XKR9: variants seen among roughly 807,000 people sequenced by gnomAD.
XKR9 encodes XK-related protein 9.
Under a neutral mutation model 32.0 loss-of-function variants are expected in XKR9, and 32 were observed. The observed-to-expected ratio is 1.00, with a 90% CI of 0.76 to 1.34. XKR9 has a LOEUF of 1.34. Among genes scored for constraint, XKR9 ranks in the 40% most tolerant of loss-of-function variants. XKR9 has a pLI of 0.00. For missense variants in XKR9, 546 were observed against 429.7 expected, an observed-to-expected ratio of 1.27 and a Z score of -2.39; for synonymous variants, 168 against 143.4, an observed-to-expected ratio of 1.17 and a Z score of -1.22.
the XKR9 span, among the ~76,000 whole-genome samples, chr8:70,842,547 T>TACACACACACAC: frequency 0.016 from 2,332 of 149,108 alleles, 29 homozygotes; most frequent in Middle Eastern, 0.021. Context: ...CATCATTATT[T>TACACACACACAC]ACACACACAC....
the XKR9 span, among the ~76,000 whole-genome samples, chr8:71,014,461 T>C: frequency 6.6e-6 from 1 of 152,120 alleles, no homozygotes; most frequent in African/African-American, 2.4e-5. Flanking sequence ...CAGGAATTCC[T>C]TGGCTGCATG....
the XKR9 span, among the ~76,000 whole-genome samples, chr8:70,924,034 A>G: frequency 2.4e-4 from 37 of 152,196 alleles, no homozygotes; most frequent in Non-Finnish European, 4.7e-4. Flanking sequence ...CCTTATTTAC[A>G]GCATCTGCTA....
the XKR9 span, among the ~76,000 whole-genome samples, chr8:70,869,058 G>A: frequency 6.6e-6 from 1 of 152,126 alleles, no homozygotes; most frequent in Admixed American, 6.5e-5. Context: ...GACCACCTCA[G>A]CACTGGACTT....
At chr8:70,879,865 G>GA in the XKR9 span, among the ~76,000 whole-genome samples, 1 of 152,044 alleles carries the variant, frequency 6.6e-6, no homozygotes, top group African/African-American at 2.4e-5. Context: ...ACGTTGATGC[G>GA]AAAATCCTCA....
chr8:70,776,947 C>CTCTCTCTA lies in XKR9; in HGVS notation n.353-12391_353-12390insCTCTCTAT. Among the ~76,000 whole-genome samples, 8 of 54,206 alleles carry CTCTCTCTA rather than the reference C, an allele frequency of 1.5e-4. No homozygotes were observed. In the East Asian group the frequency reaches 1.6e-3, roughly 11 times the overall value. 35.6% of individuals were successfully genotyped at this position (54,206 alleles called of 152,430 possible). A position where few individuals can be genotyped will look rare whatever the true frequency, so the allele number is the denominator to read the frequency against. ...TTTCTCTCTCTCTCTCTCTCTCTCT[C>CTCTCTCTA]TATATATATATATATATGTATGTAT... On this transcript the variant is annotated intron_variant and non_coding_transcript_variant, in intron 2 of 3. Coordinates refer to the XKR9 transcript ENST00000520273.
chr8:71,009,107 C>T, the XKR9 span, among the ~76,000 whole-genome samples: 1 of 151,578 alleles, frequency 6.6e-6, no homozygotes, highest in African/African-American at 2.4e-5. Flanking sequence ...GGACTCTGAG[C>T]TAATCAGCAC....
At chr8:70,977,319 T>C in the XKR9 span, among the ~76,000 whole-genome samples, 5,850 of 152,288 alleles carry the variant, frequency 0.038, 181 homozygotes, top group South Asian at 0.08. Context: ...CTAGTTCTTT[T>C]AATTGTGATG....
chr8:70,922,674 A>G, the XKR9 span, among the ~76,000 whole-genome samples: 2 of 152,194 alleles, frequency 1.3e-5, no homozygotes, highest in Non-Finnish European at 2.9e-5. Flanking sequence ...TGTCAAACCA[A>G]CAATAACAGG....
the XKR9 span, among the ~76,000 whole-genome samples, chr8:70,873,877 G>A: frequency 6.6e-6 from 1 of 152,158 alleles, no homozygotes; most frequent in Admixed American, 6.5e-5. Context: ...TTCATGAAAG[G>A]AAGAGTCAAT....
At chr8:70,861,505 T>C in the XKR9 span, among the ~76,000 whole-genome samples, 1 of 148,922 alleles carries the variant, frequency 6.7e-6, no homozygotes, top group Non-Finnish European at 1.5e-5. Flanking sequence ...AAAAAATTAG[T>C]GCAGTGTAGT....
At chr8:70,799,292 T>C in the XKR9 span, among the ~76,000 whole-genome samples, 1 of 152,174 alleles carries the variant, frequency 6.6e-6, no homozygotes. Context: ...TTCCTAAGCA[T>C]CTTATTCTTT....
chr8:70,740,162 C>T (rs748741820), downstream of XKR9, among the ~76,000 whole-genome samples: 3 of 152,086 alleles, frequency 2.0e-5, no homozygotes, highest in Admixed American at 6.6e-5. Context: ...AGGCTTTGTT[C>T]GTTTCTTTTT....
chr8:70,967,065 C>CTTTTTTTTTTTTTTTTTTTTTTTTTTTT, the XKR9 span, among the ~76,000 whole-genome samples: 1 of 101,294 alleles, frequency 9.9e-6, no homozygotes, highest in Non-Finnish European at 2.0e-5. Context: ...GATCTTGACT[C>CTTTTTTTTTTTTTTTTTTTTTTTTTTTT]TTTTTTTTTT....
chr8:70,947,771 A>G, the XKR9 span, among the ~76,000 whole-genome samples: 1 of 152,246 alleles, frequency 6.6e-6, no homozygotes, highest in East Asian at 1.9e-4. Context: ...TTTTTAAAAT[A>G]CGATTTGAAA....
At chr8:70,983,466 C>T in the XKR9 span, among the ~76,000 whole-genome samples, 3 of 152,198 alleles carry the variant, frequency 2.0e-5, no homozygotes, top group Non-Finnish European at 4.4e-5. Context: ...AGCATCAGCA[C>T]ATAGTGTTTT....
rs181446038 is a variant in XKR9, at chr8:70,756,856, C to T, written n.353-32483C>T. 9.1e-4 allele frequency among the ~76,000 whole-genome samples: 138 copies of T among 152,192 alleles called. 1 individual carries two copies. The highest frequency in any genetic ancestry group is 3.4e-3 in the Middle Eastern group (1 of 294). Reference sequence around the variant, plus strand: ...TTTTATTTCTTTTCCTTGTTTAATGCCATGGCTAGATCCTCAGTATAAGGT... The same window carrying T: ...TTTTATTTCTTTTCCTTGTTTAATGTCATGGCTAGATCCTCAGTATAAGGT... On this transcript the variant is annotated intron_variant and non_coding_transcript_variant, in intron 2 of 3. Coordinates refer to the XKR9 transcript ENST00000520273.
chr8:70,710,770 A>T (rs1805890921), intron 4 of XKR9, among the ~76,000 whole-genome samples: 1 of 152,026 alleles, frequency 6.6e-6, no homozygotes, highest in African/African-American at 2.4e-5. Flanking sequence ...AACAAAAAAA[A>T]AGTTGACAGG....
chr8:70,940,026 A>G, the XKR9 span, among the ~76,000 whole-genome samples: 1 of 152,106 alleles, frequency 6.6e-6, no homozygotes, highest in Non-Finnish European at 1.5e-5. Context: ...GAATAAAAAT[A>G]CTACATAAAA....
chr8:70,860,610 C>T, the XKR9 span, among the ~76,000 whole-genome samples: 1 of 151,938 alleles, frequency 6.6e-6, no homozygotes, highest in Non-Finnish European at 1.5e-5. Flanking sequence ...CCTCCTCCTC[C>T]AGCATAGGCA....
Sources: gnomAD v4.1 joint callset for allele counts (sites outside exome capture counted in the v4.1 genomes callset) on GRCh38, gnomAD v4.1.1 for gene constraint, MANE v1.5 for transcripts, NCBI Gene and HGNC (gene_info 2026-07-23, HGNC 2026-07-21) for gene names.